Variants in CASD1 observed in about 807,000 individuals in gnomAD.
CASD1 encodes CAS1 domain sialic acid O acetyltransferase 1.
CASD1 carries 41 observed loss-of-function variants against 100.0 expected under a neutral mutation model. That is an observed-to-expected ratio of 0.41 (90% CI 0.32 to 0.53). The LOEUF (loss-of-function observed/expected upper bound fraction) is 0.53, where lower values mean the gene tolerates loss of function less well. CASD1 is among the 20% of genes least tolerant of loss of function. The pLI is 0.25. For synonymous variants in CASD1, 321 were observed against 315.6 expected, an observed-to-expected ratio of 1.02 and a Z score of -0.18; for missense variants, 774 against 948.7, an observed-to-expected ratio of 0.82 and a Z score of 2.42.
At chr7:94,629,855 G>A in the CASD1 span, 28 of 1,609,760 alleles carry the variant, frequency 1.7e-5, no homozygotes, top group Non-Finnish European at 2.4e-5. Flanking sequence ...AAAACAAAGA[G>A]GAAAGATAAG....
At chr7:94,517,815 G>A (rs1017443363) in intron 2 of CASD1, among the ~76,000 whole-genome samples, 159 bp downstream of exon 2, 1 of 152,168 alleles carries the variant, frequency 6.6e-6, no homozygotes, top group African/African-American at 2.4e-5. Flanking sequence ...TGCCCACTAA[G>A]GTTTTAGGGA....
At chr7:94,612,905 C>A in the CASD1 span, among the ~76,000 whole-genome samples, 1 of 152,182 alleles carries the variant, frequency 6.6e-6, no homozygotes, top group Non-Finnish European at 1.5e-5. Flanking sequence ...AATCCATCAT[C>A]AGTCTCTGAC....
intron 4 of CASD1, 70 bp downstream of exon 4, chr7:94,527,276 T>A (rs1794622455): frequency 9.2e-7 from 1 of 1,088,196 alleles, no homozygotes; most frequent in Non-Finnish European, 1.4e-6. Flanking sequence ...TTGAACATAC[T>A]AAGTATATTT....
chr7:94,620,116 G>C, the CASD1 span: 2 of 152,068 alleles, frequency 1.3e-5, no homozygotes, highest in African/African-American at 4.8e-5. Flanking sequence ...GTATCTGTAA[G>C]ATATTCCACT....
the CASD1 span, chr7:94,586,914 C>A: frequency 2.0e-6 from 2 of 984,232 alleles, no homozygotes. Flanking sequence ...TTTGGGGACT[C>A]ACTAAATAAA....
At chr7:94,533,126 GA>G in intron 5 of CASD1, 78 bp from the exon 6 acceptor site, 4 of 1,008,718 alleles carry the variant, frequency 4.0e-6, no homozygotes, top group Admixed American at 2.2e-5. Context: ...ACATTTTAAG[GA>G]AAAAAATTAA....
At chr7:94,530,016 A>G (rs904338060) in intron 5 of CASD1, among the ~76,000 whole-genome samples, 1 of 152,148 alleles carries the variant, frequency 6.6e-6, no homozygotes, top group Admixed American at 6.6e-5. Flanking sequence ...TAAGCTAGAC[A>G]CTGTTGATAC....
intron 14 of CASD1, 80 bp downstream of exon 14, chr7:94,549,714 C>T: frequency 9.7e-7 from 1 of 1,031,708 alleles, no homozygotes; most frequent in Non-Finnish European, 1.4e-6. Context: ...TCTATCTATA[C>T]TTAGTTTCAG....
the CASD1 span, among the ~76,000 whole-genome samples, chr7:94,582,425 CT>C: frequency 3.3e-5 from 5 of 152,126 alleles, no homozygotes; most frequent in Admixed American, 3.3e-4. Context: ...ACCTGGCCAG[CT>C]TTTTTTCATA....
chr7:94,610,497 C>A, the CASD1 span, among the ~76,000 whole-genome samples: 9 of 152,060 alleles, frequency 5.9e-5, no homozygotes, highest in East Asian at 1.9e-4. Flanking sequence ...CCTAAAAATT[C>A]TCTTAAAAAT....
chr7:94,555,903 T>TA lies in CASD1; in HGVS notation c.*146dup. ...ACAGTTCTGTGACATCTGTTGAACATATGTGGTTGTATATATTGGAAATGT... is the reference window on the plus strand; with the variant it reads ...ACAGTTCTGTGACATCTGTTGAACATAATGTGGTTGTATATATTGGAAATGT... On this transcript the variant is annotated 3_prime_UTR_variant, in exon 18 of 18. Coordinates refer to ENST00000297273, the MANE Select transcript of CASD1 (RefSeq NM_022900.5). 2 of 754,008 alleles carry TA rather than the reference T, an allele frequency of 2.7e-6. No individual in the cohort carries two copies. The highest frequency in any genetic ancestry group is 4.2e-6 in the Non-Finnish European group (2 of 475,142). The allele number at this position is 754,008 out of a possible 1,614,324, so 46.7% of individuals were successfully genotyped here. A position where few individuals can be genotyped will look rare whatever the true frequency, so the allele number is the denominator to read the frequency against.
At chr7:94,522,810 A>G (rs1794355026) in intron 3 of CASD1, among the ~76,000 whole-genome samples, 1 of 152,092 alleles carries the variant, frequency 6.6e-6, no homozygotes, top group Non-Finnish European at 1.5e-5. Flanking sequence ...GGCGCCTGCC[A>G]CCACGCCCAG....
chr7:94,527,106 T>C, intron 3 of CASD1, 56 bp from the exon 4 acceptor site: 2 of 1,347,344 alleles, frequency 1.5e-6, no homozygotes. Flanking sequence ...AAATGGGGCA[T>C]TTTTTATATA....
chr7:94,622,980 A>G, the CASD1 span, among the ~76,000 whole-genome samples: 6 of 152,164 alleles, frequency 3.9e-5, no homozygotes, highest in Non-Finnish European at 5.9e-5. Context: ...CTCTCACCCT[A>G]TCAGCTAGGC....
In CASD1 at chr7:94,533,193, G is replaced by A. The variant is rs754001704; in HGVS notation, c.460-12G>A. ...GATTATAATACTATGATAAAGATTT[G>A]TCTTCCTTTAGGATTCCATTGCAAA... On this transcript the variant is annotated splice_polypyrimidine_tract_variant and intron_variant, in intron 5 of 17. Transcript: ENST00000297273. The A allele has an allele frequency of 1.4e-5, 23 of 1,598,886 alleles. No homozygotes were observed. Among genetic ancestry groups the A allele is most frequent in the Non-Finnish European group, 2.0e-5 (23 of 1,168,660 alleles).
the CASD1 span, chr7:94,629,863 AAGTG>A: frequency 1.2e-6 from 2 of 1,609,368 alleles, no homozygotes; most frequent in East Asian, 4.5e-5. Context: ...GAGGAAAGAT[AAGTG>A]ACAGAAAGAC....
intron 5 of CASD1, among the ~76,000 whole-genome samples, chr7:94,531,620 C>G (rs1794854814): frequency 6.6e-6 from 1 of 151,968 alleles, no homozygotes; most frequent in African/African-American, 2.4e-5. Context: ...GAAGCATGCT[C>G]AACTGGAAAT....
intron 1 of CASD1, among the ~76,000 whole-genome samples, chr7:94,510,451 G>T (rs1364831484): frequency 6.6e-6 from 1 of 152,188 alleles, no homozygotes; most frequent in Non-Finnish European, 1.5e-5. Context: ...GCCCCGAGCC[G>T]CCCGCGCTGG....
intron 15 of CASD1, 65 bp from the exon 16 acceptor site, chr7:94,552,285 A>G: frequency 9.5e-7 from 1 of 1,054,910 alleles, no homozygotes; most frequent in South Asian, 1.4e-5. Context: ...AAAAAAAAAC[A>G]CTGTGAGGCT....
Sources: gnomAD v4.1 joint callset for allele counts (sites outside exome capture counted in the v4.1 genomes callset) on GRCh38, gnomAD v4.1.1 for gene constraint, MANE v1.5 for transcripts, NCBI Gene and HGNC (gene_info 2026-07-23, HGNC 2026-07-21) for gene names.